Variants in TM9SF3 observed in about 807,000 individuals in gnomAD.
TM9SF3 encodes the protein SM-11044-binding protein.
In TM9SF3, 14 loss-of-function variants were observed where a neutral mutation model predicts 78.6. The ratio of observed to expected loss-of-function variants is 0.18; its 90% CI spans 0.12 to 0.28. The LOEUF is 0.28. TM9SF3 is among the 10% of genes least tolerant of loss of function. TM9SF3 has a pLI of 1.00. For synonymous variants in TM9SF3, 231 were observed against 241.7 expected, an observed-to-expected ratio of 0.96 and a Z score of 0.41; for missense variants, 496 against 721.9, an observed-to-expected ratio of 0.69 and a Z score of 3.59.
intron 2 of TM9SF3, among the ~76,000 whole-genome samples, chr10:96,570,058 T>C (rs1434298668): frequency 6.6e-6 from 1 of 152,158 alleles, no homozygotes; most frequent in Admixed American, 6.5e-5. Context: ...AAAACCACAG[T>C]ATCCAAGTTA....
chr10:96,554,967 T>C (rs779452509), intron 5 of TM9SF3, among the ~76,000 whole-genome samples: 2 of 152,114 alleles, frequency 1.3e-5, no homozygotes, highest in African/African-American at 2.4e-5. Flanking sequence ...CTATCCATTC[T>C]GCTTCATTCC....
chr10:96,539,031 A>G (rs1479816113), intron 9 of TM9SF3, among the ~76,000 whole-genome samples: 3 of 152,382 alleles, frequency 2.0e-5, no homozygotes, highest in Non-Finnish European at 4.4e-5. Flanking sequence ...AAATGAAAAC[A>G]TAAGTCCATA....
chr10:96,586,642 G>A, intron 1 of TM9SF3, 92 bp downstream of exon 1: 2 of 1,087,266 alleles, frequency 1.8e-6, no homozygotes, highest in Non-Finnish European at 2.3e-6. Context: ...GGGCACCACC[G>A]GGCCGCCGGG....
intron 2 of TM9SF3, among the ~76,000 whole-genome samples, chr10:96,570,667 T>C (rs527641645): frequency 2.6e-5 from 4 of 152,216 alleles, no homozygotes; most frequent in African/African-American, 9.6e-5. Flanking sequence ...TTCTCTCTCT[T>C]AAAACCCATT....
intron 3 of TM9SF3, 85 bp from the exon 4 acceptor site, chr10:96,562,223 T>G (rs924626842): frequency 2.3e-5 from 26 of 1,129,278 alleles, no homozygotes; most frequent in South Asian, 2.2e-4. Context: ...TAAGTTTTTT[T>G]TTTTTTTTTT....
At chr10:96,527,360 T>G in intron 13 of TM9SF3, 53 bp downstream of exon 13, 1 of 1,591,286 alleles carries the variant, frequency 6.3e-7, no homozygotes, top group Non-Finnish European at 8.6e-7. Context: ...TATTAGTATT[T>G]AAAGGACAAA....
In TM9SF3 at chr10:96,522,160, G is replaced by C. The variant is rs1240767679; in HGVS notation, c.*103C>G. The stretch of plus-strand genomic sequence containing the variant: ...AAGAGAGACCCACAAAGTACCCAGT[G>C]TGTTAAAGCCCAAATCTCTTCTTGC... On this transcript the variant is annotated 3_prime_UTR_variant, in exon 15 of 15. Coordinates refer to ENST00000371142, the MANE Select transcript of TM9SF3 (RefSeq NM_020123.4). 2 of 934,152 alleles carry C rather than the reference G, an allele frequency of 2.1e-6. No homozygotes were observed. Among genetic ancestry groups the C allele is most frequent in the East Asian group, 5.2e-5 (2 of 38,676 alleles). 57.9% of individuals were successfully genotyped at this position (934,152 alleles called of 1,614,324 possible).
At chr10:96,576,940 C>T in intron 1 of TM9SF3, 111 bp from the exon 2 acceptor site, 2 of 788,912 alleles carry the variant, frequency 2.5e-6, no homozygotes. Flanking sequence ...GTTCAGGAAG[C>T]TATAAAATAA....
chr10:96,542,650 T>C (rs1294413907), intron 9 of TM9SF3, among the ~76,000 whole-genome samples: 1 of 152,194 alleles, frequency 6.6e-6, no homozygotes, highest in African/African-American at 2.4e-5. Flanking sequence ...ATTCAGCAGA[T>C]GTTCTTTGAG....
intron 1 of TM9SF3, chr10:96,577,460 A>G (rs1326940291): frequency 2.6e-5 from 4 of 152,310 alleles, no homozygotes; most frequent in African/African-American, 9.6e-5. Flanking sequence ...ATGGAACTAC[A>G]TATCAGTGAA....
intron 14 of TM9SF3, among the ~76,000 whole-genome samples, chr10:96,523,596 T>C (rs573389718): frequency 3.4e-4 from 51 of 152,040 alleles, no homozygotes; most frequent in African/African-American, 1.2e-3. Context: ...CCAGAAATTA[T>C]GTGCTTTCCT....
intron 1 of TM9SF3, 124 bp downstream of exon 1, chr10:96,586,610 A>C: frequency 3.8e-6 from 3 of 787,332 alleles, no homozygotes; most frequent in Non-Finnish European, 3.4e-6. Flanking sequence ...GCCCAACCGG[A>C]AGGAGTCCTC....
At chr10:96,557,107 T>C (rs1848242853) in intron 5 of TM9SF3, among the ~76,000 whole-genome samples, 2 of 152,184 alleles carry the variant, frequency 1.3e-5, no homozygotes, top group Admixed American at 6.5e-5. Context: ...TAGCAATTAT[T>C]ACATCCAGTC....
At chr10:96,528,606 A>C (rs1449290455) in intron 11 of TM9SF3, among the ~76,000 whole-genome samples, 1 of 152,172 alleles carries the variant, frequency 6.6e-6, no homozygotes, top group African/African-American at 2.4e-5. Flanking sequence ...TAATGTATAA[A>C]ATTAGGAAAA....
intron 11 of TM9SF3, 145 bp from the exon 12 acceptor site, chr10:96,528,322 G>T: frequency 2.8e-6 from 2 of 710,948 alleles, no homozygotes; most frequent in Non-Finnish European, 4.3e-6. Context: ...CTCTTACCAT[G>T]TCTTCATCAA....
intron 8 of TM9SF3, among the ~76,000 whole-genome samples, chr10:96,546,307 G>GT (rs1179478054): frequency 6.6e-6 from 1 of 152,118 alleles, no homozygotes; most frequent in Non-Finnish European, 1.5e-5. Flanking sequence ...ATTACATTTT[G>GT]TAAGACTTGA....
intron 2 of TM9SF3, among the ~76,000 whole-genome samples, chr10:96,569,667 T>G (rs1848417543): frequency 6.6e-6 from 1 of 152,176 alleles, no homozygotes; most frequent in Non-Finnish European, 1.5e-5. Flanking sequence ...TGTACTGAAA[T>G]ACTTATGTGC....
intron 1 of TM9SF3, among the ~76,000 whole-genome samples, chr10:96,584,533 C>T (rs186180725): frequency 3.7e-4 from 57 of 152,304 alleles, no homozygotes; most frequent in Non-Finnish European, 3.8e-4. Context: ...TTCGGCCAGG[C>T]GTGGTGGCTC....
At chr10:96,586,505 C>T (rs1451747032) in intron 1 of TM9SF3, among the ~76,000 whole-genome samples, 3 of 152,034 alleles carry the variant, frequency 2.0e-5, no homozygotes, top group South Asian at 2.1e-4. Flanking sequence ...AGGCCCAGAC[C>T]GGGGGAAGGA....
Sources: allele counts gnomAD v4.1 joint callset (sites outside exome capture counted in the v4.1 genomes callset), GRCh38; gene constraint gnomAD v4.1.1; transcripts MANE v1.5; gene names NCBI Gene and HGNC (gene_info 2026-07-23, HGNC 2026-07-21).